The following SPDYA variants were observed in gnomAD, a reference collection of about 807,000 sequenced individuals.
SPDYA encodes speedy protein A.
In SPDYA, 11 loss-of-function variants were observed where a neutral mutation model predicts 36.7. That is an observed-to-expected ratio of 0.30 (90% CI 0.19 to 0.50). The LOEUF (loss-of-function observed/expected upper bound fraction) is 0.50. Ranked by LOEUF, SPDYA falls within the 20% of genes least tolerant of loss-of-function variation. The pLI is 0.98. For synonymous variants in SPDYA, 115 were observed against 118.7 expected (o/e 0.97, Z 0.20); for missense variants, 287 against 370.9 (o/e 0.77, Z 1.86).
At chr2:28,823,050 A>G (rs188159862) in intron 5 of SPDYA, among the ~76,000 whole-genome samples, 2 of 152,340 alleles carry the variant, frequency 1.3e-5, no homozygotes, top group East Asian at 3.9e-4. Flanking sequence ...TTCAATTAAT[A>G]TATAGTAAAA....
chr2:28,847,415 C>A (rs1476635055), intron 7 of SPDYA, among the ~76,000 whole-genome samples: 1 of 151,726 alleles, frequency 6.6e-6, no homozygotes, highest in Non-Finnish European at 1.5e-5. Flanking sequence ...ACATTTCACT[C>A]AAGGTGGGAC....
chr2:28,817,480 C>T (rs963051310), intron 3 of SPDYA, among the ~76,000 whole-genome samples: 7 of 146,494 alleles, frequency 4.8e-5, no homozygotes, highest in Non-Finnish European at 9.1e-5. Context: ...AGAATCGCTT[C>T]AACCCGGGAG....
chr2:28,829,176 G>T lies in SPDYA; in HGVS notation c.409G>T (p.Glu137Ter), dbSNP rs777640938. The T allele has an allele frequency of 6.2e-7, 1 of 1,613,702 alleles. No individual in the cohort carries two copies. The highest frequency in any genetic ancestry group is 1.1e-5 in the South Asian group (1 of 91,062). ...TCTGGCTAATACAGTTGAAGAAGAT[G>T]AAGAAGAAACCAAGTACGAAATTTT... ...LYLANTVEED[E>*]EETKYEIFPW... The change falls in exon 6 of 8, where the codon GAA (glutamate) becomes TAA (stop). Residue 137 changes from glutamate (E) to a stop codon, truncating the protein, a stop_gained. Coordinates refer to ENST00000334056, the MANE Select transcript of SPDYA (RefSeq NM_182756.4). LOFTEE classifies it high-confidence loss of function.
intron 7 of SPDYA, among the ~76,000 whole-genome samples, chr2:28,847,307 C>G (rs1668901828): frequency 6.6e-6 from 1 of 152,144 alleles, no homozygotes; most frequent in Non-Finnish European, 1.5e-5. Flanking sequence ...CATGCCATTG[C>G]ACTCCAGTCT....
At chr2:28,843,605 T>C (rs546400608) in intron 7 of SPDYA, among the ~76,000 whole-genome samples, 2 of 152,228 alleles carry the variant, frequency 1.3e-5, no homozygotes, top group East Asian at 3.9e-4. Context: ...ATTCTTTTTT[T>C]TTTAGATGAA....
At chr2:28,830,492 C>T (rs373826039) in intron 6 of SPDYA, among the ~76,000 whole-genome samples, 1 of 152,186 alleles carries the variant, frequency 6.6e-6, no homozygotes, top group East Asian at 1.9e-4. Flanking sequence ...CGTGAGCCAC[C>T]GTGCCCGGCT....
intron 3 of SPDYA, among the ~76,000 whole-genome samples, chr2:28,818,061 G>C (rs1668032950): frequency 1.3e-5 from 2 of 149,408 alleles, no homozygotes; most frequent in East Asian, 4.0e-4. Context: ...CAGCTATCTG[G>C]GGGGCTGAGG....
chr2:28,824,244 G>A (rs189889529), intron 5 of SPDYA, among the ~76,000 whole-genome samples: 274 of 152,010 alleles, frequency 1.8e-3, no homozygotes, highest in Admixed American at 7.1e-3. Flanking sequence ...TTGGGAGGCT[G>A]GGGCGGAAGG....
intron 6 of SPDYA, among the ~76,000 whole-genome samples, chr2:28,839,570 C>T (rs1009645579): frequency 6.6e-6 from 1 of 152,164 alleles, no homozygotes; most frequent in African/African-American, 2.4e-5. Flanking sequence ...GACGCGATCT[C>T]GGCTCACTGC....
At chr2:28,839,808 C>CT (rs34542148) in intron 6 of SPDYA, among the ~76,000 whole-genome samples, 8 of 152,284 alleles carry the variant, frequency 5.3e-5, no homozygotes, top group South Asian at 4.1e-4. Flanking sequence ...GGCCAATTAA[C>CT]TTTTTTTAAC....
chr2:28,821,422 T>TGAACTCCTGACCTTGTG (rs1558323149), intron 4 of SPDYA, among the ~76,000 whole-genome samples: 2 of 151,342 alleles, frequency 1.3e-5, no homozygotes, highest in African/African-American at 4.9e-5. Flanking sequence ...AGCCTGGTCT[T>TGAACTCCTGACCTTGTG]GAACTCCTGA....
At chr2:28,840,678 CTATGT>C in intron 7 of SPDYA, 3 of 1,312,728 alleles carry the variant, frequency 2.3e-6, no homozygotes, top group Non-Finnish European at 9.7e-7. Context: ...TTAATGTGAC[CTATGT>C]TAAGTTGAAA....
intron 5 of SPDYA, among the ~76,000 whole-genome samples, chr2:28,827,558 T>C (rs1238843702): frequency 6.6e-6 from 1 of 152,196 alleles, no homozygotes; most frequent in East Asian, 1.9e-4. Context: ...TGCCTGTTTT[T>C]CTTGGAAAGT....
Position 28,816,103 on chromosome 2 carries a change from A to G in SPDYA, c.89A>G (p.Lys30Arg). 1.2e-6 allele frequency: 2 copies of G among 1,614,090 alleles called. No homozygotes were observed. Among genetic ancestry groups the G allele is most frequent in the African/African-American group, 2.7e-5 (2 of 75,058 alleles). The stretch of plus-strand genomic sequence containing the variant: ...TCAAATAGATCACATCAGCCTAAAA[A>G]GCCCATTACTCTGAAGCGTCCTATT... ...SGSNRSHQPK[K>R]PITLKRPICK... The change falls in exon 3 of 8, where the codon AAG (lysine) becomes AGG (arginine). Residue 30 changes from lysine to arginine, a missense_variant. Transcript: ENST00000334056.
Position 28,840,380 on chromosome 2 carries a change from GGGT to G in SPDYA, c.763_765del (p.Val255del), listed in dbSNP as rs779175269. On this transcript the variant is annotated inframe_deletion, in exon 7 of 8. Coordinates refer to ENST00000334056, the MANE Select transcript of SPDYA (RefSeq NM_182756.4). ...TCATCTTTATCCAGTCATACAGCAGGGGTGACAGAAAAACATTCTCAGGACTCA... is the reference window on the plus strand; with the variant it reads ...TCATCTTTATCCAGTCATACAGCAGGGACAGAAAAACATTCTCAGGACTCA... 1 of 1,612,026 alleles carries G rather than the reference GGGT, an allele frequency of 6.2e-7. No individual in the cohort carries two copies. The highest frequency in any genetic ancestry group is 1.1e-5 in the South Asian group (1 of 90,522).
At chr2:28,838,521 T>C (rs1668668378) in intron 6 of SPDYA, among the ~76,000 whole-genome samples, 1 of 152,228 alleles carries the variant, frequency 6.6e-6, no homozygotes, top group Non-Finnish European at 1.5e-5. Context: ...CTCTTGACCC[T>C]GGTAGTTTTA....
rs755803106 is a variant in SPDYA at position 28,849,880 on chromosome 2, A to G, written c.881A>G (p.Lys294Arg). The part of the protein sequence containing the change: ...VVNDHQSNKG[K>R]KTNFLKKDKS... ...AATGACCATCAATCAAATAAAGGAA[A>G]GAAAACTAATTTCTTGAAGAAAGAC... The change falls in exon 8 of 8, where the codon AAG (lysine) becomes AGG (arginine). Residue 294 changes from lysine to arginine, a missense_variant. Coordinates refer to ENST00000334056, the MANE Select transcript of SPDYA (RefSeq NM_182756.4). 1 of 1,588,708 alleles carries G rather than the reference A, an allele frequency of 6.3e-7. No homozygotes were observed. Among genetic ancestry groups the G allele is most frequent in the South Asian group, 1.2e-5 (1 of 85,706 alleles).
Position 28,850,491 on chromosome 2 carries a change from T to C in SPDYA, c.*550T>C. On this transcript the variant is annotated 3_prime_UTR_variant, in exon 8 of 8. Transcript: ENST00000334056. Reference sequence around the variant, plus strand: ...AACTGTTAAAATATGAGTTACTCTCTTTATTGTAAGTTTTTTCTTTATTTA... The same window carrying C: ...AACTGTTAAAATATGAGTTACTCTCCTTATTGTAAGTTTTTTCTTTATTTA... The C allele has an allele frequency of 1.1e-6, 1 of 886,980 alleles. No homozygotes were observed. The highest frequency in any genetic ancestry group is 1.7e-6 in the Non-Finnish European group (1 of 580,334). 54.9% of individuals were successfully genotyped at this position (886,980 alleles called of 1,614,324 possible).
chr2:28,828,617 CCCATCAAG>C (rs1668393726), intron 5 of SPDYA, among the ~76,000 whole-genome samples: 1 of 152,094 alleles, frequency 6.6e-6, no homozygotes, highest in Non-Finnish European at 1.5e-5. Context: ...ATGCCTGGTC[CCCATCAAG>C]CATTCAGCAG....
Sources: allele counts gnomAD v4.1 joint callset (sites outside exome capture counted in the v4.1 genomes callset), GRCh38; gene constraint gnomAD v4.1.1; transcripts MANE v1.5; gene names NCBI Gene and HGNC (gene_info 2026-07-23, HGNC 2026-07-21).